CACNA2D3: variants seen among roughly 807,000 people sequenced by gnomAD.
CACNA2D3 encodes calcium voltage-gated channel auxiliary subunit alpha2delta 3, also known as voltage-dependent calcium channel subunit alpha-2/delta-3.
In CACNA2D3, 60 loss-of-function variants were observed where a neutral mutation model predicts 160.6. The ratio of observed to expected loss-of-function variants is 0.37; its 90% CI spans 0.30 to 0.46. CACNA2D3 has a LOEUF of 0.46. Among genes scored for constraint, CACNA2D3 ranks in the 20% least tolerant of loss-of-function variants. The pLI is 1.00. For synonymous variants in CACNA2D3, 558 were observed against 492.9 expected, an observed-to-expected ratio of 1.13 and a Z score of -1.75; for missense variants, 1,205 against 1,365.0, an observed-to-expected ratio of 0.88 and a Z score of 1.85.
At chr3:54,441,511 T>G (rs1700143997) in intron 4 of CACNA2D3, among the ~76,000 whole-genome samples, 1 of 152,240 alleles carries the variant, frequency 6.6e-6, no homozygotes, top group Non-Finnish European at 1.5e-5. Flanking sequence ...TTTGTCAATT[T>G]TGGCTTTTGT....
At chr3:54,188,146 C>T (rs6794948) in intron 2 of CACNA2D3, among the ~76,000 whole-genome samples, 18 of 152,184 alleles carry the variant, frequency 1.2e-4, no homozygotes, top group African/African-American at 4.3e-4. Flanking sequence ...ATTGTATAGA[C>T]TGTTAAGCGT....
intron 11 of CACNA2D3, among the ~76,000 whole-genome samples, chr3:54,743,604 T>C (rs1172367982): frequency 6.6e-6 from 1 of 152,264 alleles, no homozygotes; most frequent in Non-Finnish European, 1.5e-5. Flanking sequence ...ACAATTAATT[T>C]ATTCCCCTTT....
chr3:54,462,402 G>A (rs1031608229), intron 4 of CACNA2D3, among the ~76,000 whole-genome samples: 1 of 152,104 alleles, frequency 6.6e-6, no homozygotes, highest in Admixed American at 6.6e-5. Context: ...ACTATTGTGT[G>A]GGAGTCTAAG....
At chr3:54,595,544 C>G (rs1329465711) in intron 9 of CACNA2D3, among the ~76,000 whole-genome samples, 1 of 152,168 alleles carries the variant, frequency 6.6e-6, no homozygotes, top group Admixed American at 6.5e-5. Flanking sequence ...ACCTTGTCCT[C>G]TGGTCCCCTG....
chr3:54,537,659 G>C (rs893040104), intron 5 of CACNA2D3, among the ~76,000 whole-genome samples: 1 of 152,134 alleles, frequency 6.6e-6, no homozygotes, highest in Admixed American at 6.5e-5. Flanking sequence ...ATTTTACAGG[G>C]AATCAGAGGG....
chr3:54,751,795 A>G (rs1049776949), intron 11 of CACNA2D3, among the ~76,000 whole-genome samples: 8 of 151,942 alleles, frequency 5.3e-5, no homozygotes, highest in East Asian at 1.9e-4. Flanking sequence ...CAGGCTGCAC[A>G]TGGCCCATCC....
At chr3:55,011,809 A>G (rs1247160702) in intron 34 of CACNA2D3, among the ~76,000 whole-genome samples, 1 of 152,214 alleles carries the variant, frequency 6.6e-6, no homozygotes, top group Admixed American at 6.5e-5. Flanking sequence ...AAAATTGCAC[A>G]TGATTTGAAA....
In CACNA2D3 at chr3:54,192,621, C is replaced by T. The variant is rs544575135; in HGVS notation, c.204+69027C>T. Among the ~76,000 whole-genome samples, 60 of 152,062 alleles carry T rather than the reference C, an allele frequency of 3.9e-4. No homozygotes were observed. In the South Asian group the frequency reaches 7.1e-3, roughly 18 times the overall value. On this transcript the variant is annotated intron_variant, in intron 2 of 37. Transcript: ENST00000474759. ...TCTCCTGTAAAGCAGGGAATGAGCACGAGAGCCATGAAGTGGTCTCAGCTC... is the reference window on the plus strand; with the variant it reads ...TCTCCTGTAAAGCAGGGAATGAGCATGAGAGCCATGAAGTGGTCTCAGCTC...
intron 2 of CACNA2D3, among the ~76,000 whole-genome samples, chr3:54,167,198 A>C (rs371249957): frequency 2.0e-5 from 3 of 152,218 alleles, no homozygotes; most frequent in African/African-American, 7.2e-5. Context: ...TGTGTTCCCC[A>C]CTAGGTCATA....
At chr3:54,622,363 C>A (rs922008358) in intron 9 of CACNA2D3, among the ~76,000 whole-genome samples, 1 of 152,162 alleles carries the variant, frequency 6.6e-6, no homozygotes, top group African/African-American at 2.4e-5. Flanking sequence ...GCAAGCTCTG[C>A]CTCCCGGGTT....
At chr3:54,918,618 G>A (rs1700736011) in intron 27 of CACNA2D3, 3 of 1,614,094 alleles carry the variant, frequency 1.9e-6, no homozygotes, top group South Asian at 1.1e-5. Flanking sequence ...CACACACAAC[G>A]CCAGTGATGA....
At chr3:54,990,266 C>G (rs1050122992) in intron 31 of CACNA2D3, among the ~76,000 whole-genome samples, 2 of 152,166 alleles carry the variant, frequency 1.3e-5, no homozygotes, top group African/African-American at 4.8e-5. Context: ...TGCAGTGGCT[C>G]ACGCCTGTAA....
chr3:54,552,868 G>A (rs114372602), intron 5 of CACNA2D3, among the ~76,000 whole-genome samples: 1,776 of 152,256 alleles, frequency 0.012, 32 homozygotes, highest in African/African-American at 0.041. Context: ...TATATTTATG[G>A]CAAAAGAAAA....
intron 13 of CACNA2D3, among the ~76,000 whole-genome samples, chr3:54,773,398 A>G (rs1196475929): frequency 6.6e-6 from 1 of 152,238 alleles, no homozygotes; most frequent in South Asian, 2.1e-4. Context: ...GTCAAAACAA[A>G]GAGACACACG....
intron 2 of CACNA2D3, among the ~76,000 whole-genome samples, chr3:54,151,466 A>G (rs945157873): frequency 5.3e-5 from 8 of 152,004 alleles, no homozygotes; most frequent in African/African-American, 7.3e-5. Context: ...GAGTGGAGAT[A>G]CTTCAAATAA....
intron 2 of CACNA2D3, among the ~76,000 whole-genome samples, chr3:54,294,233 A>C (rs1056257257): frequency 6.6e-6 from 1 of 152,204 alleles, no homozygotes; most frequent in Non-Finnish European, 1.5e-5. Flanking sequence ...CATTTTAGAT[A>C]CTGTCTTTTT....
At chr3:54,728,126 T>G (rs1397222063) in intron 11 of CACNA2D3, among the ~76,000 whole-genome samples, 1 of 152,210 alleles carries the variant, frequency 6.6e-6, no homozygotes, top group Non-Finnish European at 1.5e-5. Flanking sequence ...GCCGGAAGTT[T>G]GTCATCAGTT....
intron 2 of CACNA2D3, among the ~76,000 whole-genome samples, chr3:54,246,483 A>C (rs1229255136): frequency 6.6e-6 from 1 of 152,190 alleles, no homozygotes; most frequent in East Asian, 1.9e-4. Flanking sequence ...ACCTGAGGTC[A>C]GGAGGTCAAG....
intron 4 of CACNA2D3, among the ~76,000 whole-genome samples, chr3:54,428,572 A>C (rs1699942548): frequency 6.6e-6 from 1 of 151,682 alleles, no homozygotes; most frequent in Non-Finnish European, 1.5e-5. Flanking sequence ...TGGAACTTTG[A>C]TATATTTCTT....
Sources: allele counts gnomAD v4.1 joint callset (sites outside exome capture counted in the v4.1 genomes callset), GRCh38; gene constraint gnomAD v4.1.1; transcripts MANE v1.5; gene names NCBI Gene and HGNC (gene_info 2026-07-23, HGNC 2026-07-21).